The following APP variants were observed in gnomAD, a reference collection of about 807,000 sequenced individuals.
The protein encoded by APP is amyloid beta precursor protein.
In APP, 31 loss-of-function variants were observed where a neutral mutation model predicts 101.4. The ratio of observed to expected loss-of-function variants is 0.31; its 90% CI spans 0.23 to 0.41. The LOEUF (loss-of-function observed/expected upper bound fraction) is 0.41. APP is among the 10% of genes least tolerant of loss of function. The pLI, the probability that APP is intolerant of heterozygous loss-of-function variation, is 1.00. For synonymous variants in APP, 366 were observed against 364.4 expected, an observed-to-expected ratio of 1.00 and a Z score of -0.05; for missense variants, 839 against 1,003.7, an observed-to-expected ratio of 0.84 and a Z score of 2.22.
intron 1 of APP, among the ~76,000 whole-genome samples, chr21:26,166,417 T>C (rs377320476): frequency 3.9e-5 from 6 of 152,236 alleles, no homozygotes; most frequent in African/African-American, 1.4e-4. Context: ...CCCCACTCCA[T>C]ACATTTGCAT....
At chr21:26,011,822 C>T (rs117748107) in intron 6 of APP, among the ~76,000 whole-genome samples, 1,726 of 152,098 alleles carry the variant, frequency 0.011, 24 homozygotes, top group South Asian at 0.019. Flanking sequence ...CCTAAAGTCA[C>T]GTGCAAGCAA....
At chr21:26,112,291 T>C (rs2062346362) in intron 1 of APP, 145 bp from the exon 2 acceptor site, 2 of 809,708 alleles carry the variant, frequency 2.5e-6, no homozygotes, top group South Asian at 1.5e-5. Flanking sequence ...CTCCTTTAGA[T>C]TAAGTGTTAT....
intron 2 of APP, among the ~76,000 whole-genome samples, chr21:26,107,835 C>T (rs1272315604): frequency 6.6e-6 from 1 of 152,180 alleles, no homozygotes; most frequent in Non-Finnish European, 1.5e-5. Context: ...CTTTGAAGAA[C>T]AGGCCCTGTG....
chr21:26,105,003 G>GA (rs895280777), intron 2 of APP, among the ~76,000 whole-genome samples: 35 of 91,686 alleles, frequency 3.8e-4, no homozygotes, highest in Admixed American at 6.6e-4. Flanking sequence ...ACTATTGGGA[G>GA]AAAAAAAAAA....
chr21:26,014,866 C>T (rs1011777127), intron 6 of APP, among the ~76,000 whole-genome samples: 2 of 152,160 alleles, frequency 1.3e-5, no homozygotes, highest in African/African-American at 2.4e-5. Context: ...TCACATGAGA[C>T]GGTGAAAGAG....
At chr21:26,020,154 CTG>C (rs2044274936) in intron 6 of APP, among the ~76,000 whole-genome samples, 1 of 152,102 alleles carries the variant, frequency 6.6e-6, no homozygotes, top group African/African-American at 2.4e-5. Context: ...CTCAAAAATA[CTG>C]TGTTAAGTGA....
intron 2 of APP, among the ~76,000 whole-genome samples, chr21:26,108,816 A>G (rs2062243516): frequency 6.6e-6 from 1 of 152,112 alleles, no homozygotes; most frequent in Admixed American, 6.5e-5. Context: ...CCCAGGAGGC[A>G]GAGGTTGCAG....
intron 7 of APP, among the ~76,000 whole-genome samples, 183 bp from the exon 8 acceptor site, chr21:25,997,599 A>C (rs1388210207): frequency 6.6e-6 from 1 of 152,224 alleles, no homozygotes; most frequent in Non-Finnish European, 1.5e-5. Context: ...TAAGAAGTTA[A>C]CATTTGAGAA....
At chr21:26,041,220 T>TGTA (rs1391501572) in intron 5 of APP, among the ~76,000 whole-genome samples, 1 of 152,224 alleles carries the variant, frequency 6.6e-6, no homozygotes, top group Non-Finnish European at 1.5e-5. Flanking sequence ...TATGCTAATA[T>TGTA]GTAGATTTTG....
At chr21:26,066,567 C>G (rs879588871) in intron 3 of APP, among the ~76,000 whole-genome samples, 11 of 150,994 alleles carry the variant, frequency 7.3e-5, no homozygotes, top group Non-Finnish European at 1.6e-4. Flanking sequence ...GAATTTGACT[C>G]TTCAAATTCA....
intron 13 of APP, chr21:25,942,731 A>G (rs932434247): frequency 7.2e-5 from 11 of 152,182 alleles, no homozygotes; most frequent in Admixed American, 7.2e-4. Context: ...GCTATTCACA[A>G]TGGCGAATGA....
chr21:26,033,742 C>T (rs115332062), intron 5 of APP, among the ~76,000 whole-genome samples: 3,154 of 152,208 alleles, frequency 0.021, 106 homozygotes, highest in African/African-American at 0.072. Context: ...GGTGGAGGAG[C>T]GACAGTTGGG....
intron 1 of APP, among the ~76,000 whole-genome samples, chr21:26,114,109 T>C (rs966755647): frequency 1.3e-5 from 2 of 152,210 alleles, no homozygotes; most frequent in African/African-American, 4.8e-5. Context: ...GCCTTTACCA[T>C]AGCTGGTAAA....
In APP at chr21:25,955,557, T is replaced by G. The variant is rs564639912; in HGVS notation, c.1587+70A>C. On this transcript the variant is annotated intron_variant, in intron 12 of 17. Transcript: ENST00000346798. ...GGTGCTCGGAGAATGCGTGGGATCC[T>G]GTCACCAACCCAAGAAGCAAGAATC... The G allele has an allele frequency of 2.5e-5, 41 of 1,610,948 alleles. No individual in the cohort carries two copies. The East Asian group carries it at 3.3e-4, about 13-fold the overall frequency.
intron 1 of APP, among the ~76,000 whole-genome samples, chr21:26,115,331 CG>C (rs1451189975): frequency 4.0e-5 from 6 of 149,406 alleles, no homozygotes; most frequent in African/African-American, 1.5e-4. Flanking sequence ...TTTTTCCCCC[CG>C]AACCAACACC....
intron 14 of APP, among the ~76,000 whole-genome samples, chr21:25,907,323 G>A (rs1177978249): frequency 2.0e-5 from 3 of 152,090 alleles, no homozygotes; most frequent in African/African-American, 7.2e-5. Flanking sequence ...AGCTCAGGGA[G>A]CAGACATTAA....
At chr21:26,075,752 C>T (rs555128394) in intron 3 of APP, among the ~76,000 whole-genome samples, 339 of 152,318 alleles carry the variant, frequency 2.2e-3, no homozygotes, top group Middle Eastern at 0.01. Context: ...GAATTAATGT[C>T]TGTCCAAATC....
rs73352807 is a variant in APP at position 25,902,915 on chromosome 21, C to T, written c.1963+2109G>A. 7.0e-3 allele frequency among the ~76,000 whole-genome samples: 1,063 copies of T among 152,264 alleles called. 13 individuals are homozygous for T. The highest frequency in any genetic ancestry group is 0.024 in the African/African-American group (992 of 41,562). On this transcript the variant is annotated intron_variant, in intron 15 of 17. Transcript: ENST00000346798. The stretch of plus-strand genomic sequence containing the variant: ...TGATCTTTGTGAAATCCCCAAGTGA[C>T]ATCATATTCTTACTGTTATGAGAAA...
chr21:26,130,841 A>AG (rs1221129732), intron 1 of APP, among the ~76,000 whole-genome samples: 1 of 152,164 alleles, frequency 6.6e-6, no homozygotes, highest in Non-Finnish European at 1.5e-5. Flanking sequence ...AAAAGAACAA[A>AG]GAAAAAAAAA....
Sources: gnomAD v4.1 joint callset for allele counts (sites outside exome capture counted in the v4.1 genomes callset) on GRCh38, gnomAD v4.1.1 for gene constraint, MANE v1.5 for transcripts, NCBI Gene and HGNC (gene_info 2026-07-23, HGNC 2026-07-21) for gene names.